HYAL4: variants seen among roughly 807,000 people sequenced by gnomAD.
HYAL4 encodes the protein hyaluronidase 4, also known as hyaluronidase-4.
In HYAL4, 37 loss-of-function variants were observed where a neutral mutation model predicts 35.2. The ratio of observed to expected loss-of-function variants is 1.05; its 90% CI spans 0.81 to 1.38. The LOEUF (loss-of-function observed/expected upper bound fraction) is 1.38. Among genes scored for constraint, HYAL4 ranks in the 40% most tolerant of loss-of-function variants. HYAL4 has a pLI of 0.00. For missense variants in HYAL4, 572 were observed against 572.4 expected (o/e 1.00, Z 0.01); for synonymous variants, 198 against 203.2 (o/e 0.97, Z 0.22).
intron 2 of HYAL4, among the ~76,000 whole-genome samples, chr7:123,855,847 G>T (rs1806424367): frequency 6.6e-6 from 1 of 152,024 alleles, no homozygotes; most frequent in African/African-American, 2.4e-5. Context: ...ATCAAACATA[G>T]GTTTGGTCTT....
chr7:123,856,866 T>C (rs1806448682), intron 2 of HYAL4, among the ~76,000 whole-genome samples: 1 of 152,196 alleles, frequency 6.6e-6, no homozygotes, highest in African/African-American at 2.4e-5. Context: ...GCTGCCTTTC[T>C]TTCAGTGATG....
the HYAL4 span, among the ~76,000 whole-genome samples, chr7:123,807,564 C>T: frequency 6.6e-6 from 1 of 151,202 alleles, no homozygotes; most frequent in African/African-American, 2.4e-5. Flanking sequence ...CCTCAGCCTC[C>T]TGAGTAGCTG....
the HYAL4 span, among the ~76,000 whole-genome samples, chr7:123,798,934 G>A: frequency 6.6e-6 from 1 of 152,272 alleles, no homozygotes; most frequent in East Asian, 1.9e-4. Context: ...ACTGTGATCA[G>A]ATTAGATAGA....
At chr7:123,833,337 T>C (rs1250961339) in intron 1 of HYAL4, among the ~76,000 whole-genome samples, 4 of 152,228 alleles carry the variant, frequency 2.6e-5, no homozygotes, top group African/African-American at 9.6e-5. Flanking sequence ...ATTAGTGATA[T>C]TGAACATTTT....
intron 1 of HYAL4, among the ~76,000 whole-genome samples, chr7:123,838,515 C>T (rs899189839): frequency 6.6e-6 from 1 of 151,606 alleles, no homozygotes; most frequent in Non-Finnish European, 1.5e-5. Flanking sequence ...TTTTGTATGG[C>T]TTTTGCATTG....
Position 123,868,386 on chromosome 7 carries a change from C to G in HYAL4, c.113C>G (p.Ala38Gly), listed in dbSNP as rs1264010185. The change falls in exon 3 of 5, where the codon GCT becomes GGT. Residue 38 changes from alanine (A) to glycine (G), a missense_variant. Transcript: ENST00000223026. Reference protein sequence around the residue: ...ILKSISCLKPARLPIYQRKPF... With the variant: ...ILKSISCLKPGRLPIYQRKPF... Reference sequence around the variant, plus strand: ...AAGTCTATCTCTTGTCTAAAACCTGCTCGACTTCCAATTTATCAAAGGAAA... The same window carrying G: ...AAGTCTATCTCTTGTCTAAAACCTGGTCGACTTCCAATTTATCAAAGGAAA... The G allele has an allele frequency of 3.1e-6, 5 of 1,612,722 alleles. No homozygotes were observed. Among genetic ancestry groups the G allele is most frequent in the Admixed American group, 3.3e-5 (2 of 59,904 alleles).
In HYAL4 at chr7:123,839,086, A is replaced by T. The variant is rs146326730; in HGVS notation, c.-256-5159A>T. ...TGTGCCATGTTGGTTTGCCACACCC[A>T]TCAACTTATCATTTACATTAGGTAT... On this transcript the variant is annotated intron_variant, in intron 1 of 4. Coordinates refer to the HYAL4 transcript ENST00000489978. 6.1e-3 allele frequency among the ~76,000 whole-genome samples: 930 copies of T among 152,182 alleles called. 4 individuals carry two copies. Among genetic ancestry groups the T allele is most frequent in the African/African-American group, 0.021 (887 of 41,506 alleles).
intron 4 of HYAL4, among the ~76,000 whole-genome samples, chr7:123,875,333 C>G (rs543791246): frequency 6.6e-6 from 1 of 152,056 alleles, no homozygotes; most frequent in Non-Finnish European, 1.5e-5. Flanking sequence ...GTTACTTTTT[C>G]CTCTACAGAG....
the HYAL4 span, among the ~76,000 whole-genome samples, chr7:123,817,211 G>T: frequency 6.6e-6 from 1 of 151,814 alleles, no homozygotes; most frequent in Admixed American, 6.6e-5. Flanking sequence ...TTTGCTCTTG[G>T]CCTATATACA....
chr7:123,860,418 T>C (rs1298081351), intron 2 of HYAL4, among the ~76,000 whole-genome samples: 1 of 152,224 alleles, frequency 6.6e-6, no homozygotes, highest in African/African-American at 2.4e-5. Flanking sequence ...TATATATGTA[T>C]GCATATATTC....
At chr7:123,799,644 A>G in the HYAL4 span, among the ~76,000 whole-genome samples, 4 of 151,400 alleles carry the variant, frequency 2.6e-5, no homozygotes, top group Admixed American at 2.6e-4. Context: ...CAAAAAATAT[A>G]TATAAATTTA....
rs1260412227 is a variant in HYAL4 at position 123,859,451 on chromosome 7, C to A, written c.-51-8772C>A. Among the ~76,000 whole-genome samples the A allele has an allele frequency of 2.0e-5, 3 of 152,122 alleles. No individual in the cohort carries two copies. The East Asian group carries it at 5.8e-4, about 29-fold the overall frequency. On this transcript the variant is annotated intron_variant, in intron 2 of 4. Transcript: ENST00000223026. ...TACCGAACACCTCCTAAACCATTAA[C>A]CACTGTTAATTTTCTTTTACCATAG... is the stretch of plus-strand genomic sequence containing the variant.
At chr7:123,803,264 A>T in the HYAL4 span, among the ~76,000 whole-genome samples, 1 of 152,168 alleles carries the variant, frequency 6.6e-6, no homozygotes, top group African/African-American at 2.4e-5. Context: ...AATAAAATAA[A>T]TTTTTTAAAA....
chr7:123,871,993 ATTAT>A (rs1413493301), intron 3 of HYAL4, among the ~76,000 whole-genome samples: 2 of 152,130 alleles, frequency 1.3e-5, no homozygotes, highest in African/African-American at 2.4e-5. Flanking sequence ...TAAAACATTT[ATTAT>A]TTATTATTAG....
the HYAL4 span, among the ~76,000 whole-genome samples, chr7:123,801,377 C>T: frequency 6.6e-6 from 1 of 152,104 alleles, no homozygotes; most frequent in African/African-American, 2.4e-5. Context: ...GTTTTCCATC[C>T]ATGTACTTTA....
At chr7:123,769,129 T>G in the HYAL4 span, among the ~76,000 whole-genome samples, 1 of 152,230 alleles carries the variant, frequency 6.6e-6, no homozygotes, top group African/African-American at 2.4e-5. Flanking sequence ...ATGTTTAGTC[T>G]TCTTTTTTTT....
the HYAL4 span, among the ~76,000 whole-genome samples, chr7:123,798,602 C>T: frequency 2.6e-5 from 4 of 152,154 alleles, no homozygotes; most frequent in Non-Finnish European, 5.9e-5. Flanking sequence ...GTGTCAATCA[C>T]GTTCACGGGG....
In HYAL4 at chr7:123,868,977, G is replaced by A; in HGVS notation, c.704G>A (p.Gly235Glu). Reference protein sequence around the residue: ...NYNVYAPNYSGSCPEDEVLRN... With the variant: ...NYNVYAPNYSESCPEDEVLRN... ...AACGTTTATGCCCCAAACTACTCTG[G>A]GTCATGCCCAGAAGACGAAGTCTTG... Residue 235 changes from glycine (G) to glutamate (E), a missense_variant, in exon 3 of 5, where the codon GGG becomes GAG. By Grantham distance (98) the Gly-to-Glu change is moderately conservative. Coordinates refer to ENST00000223026, the MANE Select transcript of HYAL4 (RefSeq NM_012269.3). The A allele has an allele frequency of 6.2e-7, 1 of 1,613,812 alleles. No individual in the cohort carries two copies. The highest frequency in any genetic ancestry group is 8.5e-7 in the Non-Finnish European group (1 of 1,179,870).
intron 2 of HYAL4, among the ~76,000 whole-genome samples, chr7:123,856,361 C>CT (rs1806437318): frequency 6.6e-6 from 1 of 152,046 alleles, no homozygotes; most frequent in African/African-American, 2.4e-5. Flanking sequence ...TGTTGGTGAC[C>CT]TTTGGATGGG....
Sources: gnomAD v4.1 joint callset for allele counts (sites outside exome capture counted in the v4.1 genomes callset) on GRCh38, gnomAD v4.1.1 for gene constraint, MANE v1.5 for transcripts, NCBI Gene and HGNC (gene_info 2026-07-23, HGNC 2026-07-21) for gene names.